The following SIK3 variants were observed in gnomAD, a reference collection of about 807,000 sequenced individuals.
SIK3 encodes the protein serine/threonine-protein kinase SIK3.
SIK3 carries 28 observed loss-of-function variants against 144.2 expected under a neutral mutation model. That is an observed-to-expected ratio of 0.19 (90% CI 0.14 to 0.27). SIK3 has a LOEUF of 0.27. Among genes scored for constraint, SIK3 ranks in the 10% least tolerant of loss-of-function variants. SIK3 has a pLI of 1.00. For missense variants in SIK3, 1,319 were observed against 1,776.0 expected (o/e 0.74, Z 4.62); for synonymous variants, 686 against 676.3 (o/e 1.01, Z -0.22).
At chr11:117,076,646 C>G (rs1168998243) in intron 1 of SIK3, among the ~76,000 whole-genome samples, 1 of 152,094 alleles carries the variant, frequency 6.6e-6, no homozygotes, top group African/African-American at 2.4e-5. Context: ...CTGCCTCAGA[C>G]TCCCAAGTAG....
chr11:116,914,554 A>G (rs1008560120), intron 4 of SIK3, among the ~76,000 whole-genome samples: 1 of 152,172 alleles, frequency 6.6e-6, no homozygotes, highest in Non-Finnish European at 1.5e-5. Flanking sequence ...TACAAGGTGA[A>G]CAAGACAGAC....
intron 21 of SIK3, among the ~76,000 whole-genome samples, chr11:116,854,405 T>G (rs1461123876): frequency 6.6e-6 from 1 of 152,188 alleles, no homozygotes; most frequent in African/African-American, 2.4e-5. Flanking sequence ...TCATCTACCC[T>G]TAAGAAATGC....
intron 4 of SIK3, among the ~76,000 whole-genome samples, chr11:116,917,806 A>G (rs974051367): frequency 1.0e-4 from 10 of 95,592 alleles, no homozygotes; most frequent in Admixed American, 3.7e-4. Flanking sequence ...ACAAGAGAGG[A>G]AGGAAAGAAG....
At chr11:117,081,893 A>G (rs1954806305) in intron 1 of SIK3, among the ~76,000 whole-genome samples, 1 of 152,214 alleles carries the variant, frequency 6.6e-6, no homozygotes. Flanking sequence ...CATGTATCCG[A>G]TAAGGGACTT....
intron 3 of SIK3, among the ~76,000 whole-genome samples, chr11:116,941,328 A>C (rs934103819): frequency 2.0e-5 from 3 of 152,064 alleles, no homozygotes; most frequent in Admixed American, 6.6e-5. Flanking sequence ...TTTAATAATC[A>C]AAGGAGTAAA....
At position 117,042,958 on chromosome 11, in the gene SIK3, G is replaced by A. The variant is rs571149992; in HGVS notation, c.273+55185C>T. Among the ~76,000 whole-genome samples, 6 of 152,306 alleles carry A rather than the reference G, an allele frequency of 3.9e-5. No homozygotes were observed. The South Asian group carries it at 6.2e-4, about 16-fold the overall frequency. Reference sequence around the variant, plus strand: ...GAAAGATTATGTATTGTGCAACAATGATATCTGTTGAACCAATAAAATCAA... The same window carrying A: ...GAAAGATTATGTATTGTGCAACAATAATATCTGTTGAACCAATAAAATCAA... On this transcript the variant is annotated intron_variant, in intron 1 of 24. Coordinates refer to ENST00000445177, the MANE Select transcript of SIK3 (RefSeq NM_001366686.3).
intron 3 of SIK3, among the ~76,000 whole-genome samples, chr11:116,943,791 T>A (rs1948437552): frequency 3.3e-5 from 5 of 152,134 alleles, no homozygotes; most frequent in African/African-American, 1.2e-4. Context: ...GACATTATTT[T>A]AACTCTGAAA....
At chr11:116,922,445 T>G (rs1565455552) in intron 4 of SIK3, among the ~76,000 whole-genome samples, 1 of 152,212 alleles carries the variant, frequency 6.6e-6, no homozygotes, top group Non-Finnish European at 1.5e-5. Flanking sequence ...GAGCCATGAT[T>G]ATGCCACTGC....
rs755108357 is a variant in SIK3 at position 116,857,915 on chromosome 11, G to A, written c.3550C>T (p.Pro1184Ser). 6.2e-6 allele frequency: 10 copies of A among 1,614,118 alleles called. No homozygotes were observed. The highest frequency in any genetic ancestry group is 5.3e-5 in the African/African-American group (4 of 75,014). The change falls in exon 21 of 25, where the codon CCT (proline) becomes TCT (serine). Residue 1184 changes from proline (P) to serine (S), a missense_variant. Transcript: ENST00000445177. Reference protein sequence around the residue: ...LLLSTGGPGDPESLLGTVSHA... With the variant: ...LLLSTGGPGDSESLLGTVSHA... Reference sequence around the variant, plus strand: ...CTCACAGTTCCTAGCAAAGATTCAGGGTCCCCAGGTCCACCGGTACTCAAG... The same window carrying A: ...CTCACAGTTCCTAGCAAAGATTCAGAGTCCCCAGGTCCACCGGTACTCAAG...
intron 6 of SIK3, among the ~76,000 whole-genome samples, chr11:116,890,980 T>C (rs955179154): frequency 1.3e-5 from 2 of 152,144 alleles, no homozygotes; most frequent in Non-Finnish European, 2.9e-5. Context: ...TGGAATAGAA[T>C]AAAATATATT....
chr11:117,005,899 A>G (rs900135628), intron 1 of SIK3, among the ~76,000 whole-genome samples: 4 of 152,164 alleles, frequency 2.6e-5, no homozygotes, highest in African/African-American at 9.7e-5. Context: ...TGCAGTTATT[A>G]GTGAACAGAA....
chr11:116,914,970 T>G (rs952007621), intron 4 of SIK3, among the ~76,000 whole-genome samples: 2 of 152,232 alleles, frequency 1.3e-5, no homozygotes, highest in African/African-American at 2.4e-5. Context: ...TTATTTTACA[T>G]TAGTACATTA....
intron 1 of SIK3, among the ~76,000 whole-genome samples, chr11:117,030,553 A>G (rs1952212974): frequency 6.6e-6 from 1 of 152,234 alleles, no homozygotes; most frequent in African/African-American, 2.4e-5. Flanking sequence ...AAAAAAATGT[A>G]TAAAATACAA....
chr11:116,854,330 C>G (rs1327688341), intron 21 of SIK3, among the ~76,000 whole-genome samples: 1 of 152,208 alleles, frequency 6.6e-6, no homozygotes, highest in Non-Finnish European at 1.5e-5. Flanking sequence ...CCACTGCACT[C>G]TAGCCTAGGT....
intron 6 of SIK3, among the ~76,000 whole-genome samples, chr11:116,881,397 T>C (rs1156699245): frequency 6.6e-6 from 1 of 152,164 alleles, no homozygotes; most frequent in African/African-American, 2.4e-5. Flanking sequence ...AACTAGAGGA[T>C]GTTCAGCACA....
chr11:116,848,062 C>A (rs1470567338), intron 22 of SIK3, among the ~76,000 whole-genome samples: 1 of 152,138 alleles, frequency 6.6e-6, no homozygotes, highest in African/African-American at 2.4e-5. Context: ...TGCCTGTAAT[C>A]CCAGCACTTT....
At chr11:117,015,096 AT>A (rs1375166996) in intron 1 of SIK3, among the ~76,000 whole-genome samples, 1 of 152,110 alleles carries the variant, frequency 6.6e-6, no homozygotes, top group Non-Finnish European at 1.5e-5. Context: ...TTTAAAAAAA[AT>A]TTTTTTAAGA....
chr11:116,873,468 T>C lies in SIK3; in HGVS notation c.1737+13A>G, dbSNP rs1944069052. On this transcript the variant is annotated intron_variant, in intron 13 of 24. Coordinates refer to ENST00000445177, the MANE Select transcript of SIK3 (RefSeq NM_001366686.3). ...CTCTGAGACAGTGAATTGGGCTCTG[T>C]GCTGCTACTCACTGGTGTCATGGTG... 6.2e-7 allele frequency: 1 copy of C among 1,614,210 alleles called. No individual in the cohort carries two copies. The highest frequency in any genetic ancestry group is 8.5e-7 in the Non-Finnish European group (1 of 1,180,036).
chr11:117,054,140 C>T (rs1299960386), intron 1 of SIK3, among the ~76,000 whole-genome samples: 1 of 152,044 alleles, frequency 6.6e-6, no homozygotes, highest in Non-Finnish European at 1.5e-5. Flanking sequence ...GAGAAAAGAG[C>T]GTAGAAGATA....
Sources: allele counts gnomAD v4.1 joint callset (sites outside exome capture counted in the v4.1 genomes callset), GRCh38; gene constraint gnomAD v4.1.1; transcripts MANE v1.5; gene names NCBI Gene and HGNC (gene_info 2026-07-23, HGNC 2026-07-21).